Variants in KCNQ2 observed in about 807,000 individuals in gnomAD.
KCNQ2 encodes potassium voltage-gated channel subfamily KQT member 2.
A neutral mutation model predicts 84.8 loss-of-function variants in KCNQ2; 14 were observed. The ratio of observed to expected loss-of-function variants is 0.17; its 90% confidence interval spans 0.11 to 0.26. The LOEUF (loss-of-function observed/expected upper bound fraction) is 0.26, where lower values mean the gene tolerates loss of function less well. Ranked by LOEUF, KCNQ2 falls within the 10% of genes least tolerant of loss-of-function variation. KCNQ2 has a pLI of 1.00. For synonymous variants in KCNQ2, 599 were observed against 554.1 expected (o/e 1.08, Z -1.14); for missense variants, 788 against 1,254.0 (o/e 0.63, Z 5.61).
Position 63,421,998 on chromosome 20 carries a change from G to C in KCNQ2, c.1247+2179C>G, listed in dbSNP as rs184514441. Among the ~76,000 whole-genome samples, 569 of 152,306 alleles carry C rather than the reference G, an allele frequency of 3.7e-3. 3 individuals are homozygous for C. Among genetic ancestry groups the C allele is most frequent in the Middle Eastern group, 0.014 (4 of 294 alleles). On this transcript the variant is annotated intron_variant, in intron 11 of 16. Transcript: ENST00000359125. Reference sequence around the variant, plus strand: ...GTGCCTGTGTTCTGAGCCAGGATGGGGGTGGGGGTCTCAGCAGTGAGTGAG... The same window carrying C: ...GTGCCTGTGTTCTGAGCCAGGATGGCGGTGGGGGTCTCAGCAGTGAGTGAG...
rs3865528 is a variant in KCNQ2, at chr20:63,416,734, G to A, written c.1302-1608C>T. ...CCGGTCAGCAGCCACCATCAGCCCCGACTCCAGACCCACAGCCAGAGAGAC... is the reference window on the plus strand; with the variant it reads ...CCGGTCAGCAGCCACCATCAGCCCCAACTCCAGACCCACAGCCAGAGAGAC... On this transcript the variant is annotated intron_variant, in intron 12 of 16. Coordinates refer to ENST00000359125, the MANE Select transcript of KCNQ2 (RefSeq NM_172107.4). Among the ~76,000 whole-genome samples, 9 of 151,852 alleles carry A rather than the reference G, an allele frequency of 5.9e-5. No individual in the cohort carries two copies. In the East Asian group the frequency reaches 9.7e-4, roughly 16 times the overall value.
In KCNQ2 at chr20:63,414,038, G is replaced by A. The variant is rs370698005; in HGVS notation, c.1631+50C>T. On this transcript the variant is annotated intron_variant, in intron 14 of 16. Transcript: ENST00000359125. The surrounding 1 kb of genome is among the most constrained non-coding windows in gnomAD (Gnocchi z 6.6). ...CCGGCAGCAGGCAGGACCACCGAGC[G>A]GGAGGCCCCTCCTCACTCCCCCAGG... The A allele has an allele frequency of 6.7e-5, 93 of 1,379,366 alleles. No homozygotes were observed. In the African/African-American group the frequency reaches 6.8e-4, roughly 10 times the overall value. 85.4% of individuals were successfully genotyped at this position (1,379,366 alleles called of 1,614,324 possible).
Position 63,421,857 on chromosome 20 carries a change from C to T in KCNQ2, c.1248-2185G>A, listed in dbSNP as rs1012131853. Among the ~76,000 whole-genome samples the T allele has an allele frequency of 3.6e-4, 54 of 152,102 alleles. 1 individual carries two copies. Among genetic ancestry groups the T allele is most frequent in the Admixed American group, 1.9e-3 (29 of 15,278 alleles). On this transcript the variant is annotated intron_variant, in intron 11 of 16. Transcript: ENST00000359125. ...CCCTGGGGCAGCACGGCCCGAGCCC[C>T]GCAGCCTGCCTGGCTCCCCACCCGA...
At chr20:63,413,855 C>T (rs1326641855) in intron 14 of KCNQ2, among the ~76,000 whole-genome samples, 3 of 152,222 alleles carry the variant, frequency 2.0e-5, no homozygotes, top group Non-Finnish European at 2.9e-5. Context: ...AGGTGGAGCC[C>T]GGCCTCAGGC....
At chr20:63,409,157 C>T (rs577260742) in intron 15 of KCNQ2, among the ~76,000 whole-genome samples, 2 of 152,266 alleles carry the variant, frequency 1.3e-5, no homozygotes, top group East Asian at 1.9e-4. Flanking sequence ...CAGGAACCAA[C>T]GCACAAACCA....
At chr20:63,433,978 G>A (rs2145681335) in intron 7 of KCNQ2, 75 bp from the exon 8 acceptor site, 1 of 1,353,354 alleles carries the variant, frequency 7.4e-7, no homozygotes, top group Non-Finnish European at 1.1e-6. Flanking sequence ...GGGCGTGGAG[G>A]GAACGGGGCA....
At chr20:63,443,286 C>T (rs1319420465) in intron 4 of KCNQ2, among the ~76,000 whole-genome samples, 4 of 69,382 alleles carry the variant, frequency 5.8e-5, no homozygotes, top group African/African-American at 1.1e-4. Context: ...ATCACCATCA[C>T]CATCATCACC....
At position 63,433,159 on chromosome 20, in the gene KCNQ2, A is replaced by C. The variant is rs149234263; in HGVS notation, c.1118+650T>G. Among the ~76,000 whole-genome samples, 838 of 152,338 alleles carry C rather than the reference A, an allele frequency of 5.5e-3. 10 individuals carry two copies. The highest frequency in any genetic ancestry group is 0.019 in the African/African-American group (801 of 41,580). ...TGCCACCTGCCCTTTTGTAAAACAA[A>C]AAAACACGGGAAAGCCGCCCTCCGA... On this transcript the variant is annotated intron_variant, in intron 8 of 16. Transcript: ENST00000359125.
Position 63,472,531 on chromosome 20 carries a change from G to A in KCNQ2, c.-68C>T, listed in dbSNP as rs1339591005. On this transcript the variant is annotated 5_prime_UTR_variant, in exon 1 of 17. Coordinates refer to ENST00000359125, the MANE Select transcript of KCNQ2 (RefSeq NM_172107.4). Reference sequence around the variant, plus strand: ...GGGGGCGGAGCGCGGGGGGCGGCGCGGGCCCCAGCCCAGGCCCCCCGGCCG... The same window carrying A: ...GGGGGCGGAGCGCGGGGGGCGGCGCAGGCCCCAGCCCAGGCCCCCCGGCCG... 5.4e-6 allele frequency: 7 copies of A among 1,304,264 alleles called. No individual in the cohort carries two copies. The highest frequency in any genetic ancestry group is 5.8e-6 in the Non-Finnish European group (6 of 1,026,958). 80.8% of individuals were successfully genotyped at this position (1,304,264 alleles called of 1,614,324 possible).
chr20:63,443,001 CCACCAT>C (rs1376365473), intron 4 of KCNQ2, among the ~76,000 whole-genome samples: 21 of 43,900 alleles, frequency 4.8e-4, no homozygotes, highest in African/African-American at 4.4e-4. Context: ...ATCACCATCA[CCACCAT>C]CACCATCACC....
chr20:63,429,087 G>T (rs1488028170), intron 9 of KCNQ2, among the ~76,000 whole-genome samples: 1 of 151,528 alleles, frequency 6.6e-6, no homozygotes, highest in Admixed American at 6.6e-5. Flanking sequence ...GCAGGACCAA[G>T]TCCGGGCCCG....
In KCNQ2 at chr20:63,444,644, G is replaced by A; in HGVS notation, c.690+15C>T. 1 of 1,536,704 alleles carries A rather than the reference G, an allele frequency of 6.5e-7. No homozygotes were observed. The highest frequency in any genetic ancestry group is 8.8e-7 in the Non-Finnish European group (1 of 1,135,816). On this transcript the variant is annotated intron_variant, in intron 4 of 16. Coordinates refer to ENST00000359125, the MANE Select transcript of KCNQ2 (RefSeq NM_172107.4). ...GCTGGGGGCGCCCACCGCCAGCCTT[G>A]GGGCCGTGACTCACCTTGCTGTGGG... is the stretch of plus-strand genomic sequence containing the variant.
At chr20:63,469,604 G>A (rs983940351) in intron 1 of KCNQ2, among the ~76,000 whole-genome samples, 2 of 152,236 alleles carry the variant, frequency 1.3e-5, no homozygotes, top group East Asian at 1.9e-4. Context: ...TGACCTCTCC[G>A]AAGCCAGACA....
chr20:63,444,779 G>A lies in KCNQ2; in HGVS notation c.570C>T (p.Asn190=), dbSNP rs116087798. ...TCCGGAGCGCAGATGTGGCAAAGAC[G>A]TTGCCCTGGGAGCCGGCGGCCAGCA... ...IAVLAAGSQG[N]VFATSALRSL... The change falls in exon 4 of 17, where the codon AAC becomes AAT. Residue 190 remains asparagine, a synonymous_variant. Transcript: ENST00000359125. 2.5e-4 allele frequency: 409 copies of A among 1,608,106 alleles called. No homozygotes were observed. In the African/African-American group the frequency reaches 4.7e-3, roughly 18 times the overall value.
intron 10 of KCNQ2, 54 bp downstream of exon 10, chr20:63,428,313 G>T: frequency 7.2e-7 from 1 of 1,398,214 alleles, no homozygotes; most frequent in Non-Finnish European, 9.9e-7. Flanking sequence ...GGCAGCTGGG[G>T]CCCCCAGGAG....
At chr20:63,458,842 G>A (rs895380347) in intron 1 of KCNQ2, among the ~76,000 whole-genome samples, 2 of 152,244 alleles carry the variant, frequency 1.3e-5, no homozygotes, top group African/African-American at 4.8e-5. Context: ...ACCACCTTCC[G>A]CACAGCGGGA....
At chr20:63,467,359 G>A (rs755291119) in intron 1 of KCNQ2, among the ~76,000 whole-genome samples, 1 of 152,198 alleles carries the variant, frequency 6.6e-6, no homozygotes, top group African/African-American at 2.4e-5. Context: ...GCTCCTCTAC[G>A]GCTCCTCTAC....
At chr20:63,442,795 T>TC (rs2081229314) in intron 4 of KCNQ2, among the ~76,000 whole-genome samples, 5 of 10,134 alleles carry the variant, frequency 4.9e-4, no homozygotes, top group African/African-American at 8.3e-4. Flanking sequence ...CCATCACCAT[T>TC]ACCACCACCA....
At chr20:63,427,181 C>A (rs1231301282) in intron 10 of KCNQ2, among the ~76,000 whole-genome samples, 1 of 152,224 alleles carries the variant, frequency 6.6e-6, no homozygotes, top group East Asian at 1.9e-4. Context: ...AAGATCGCAC[C>A]ACTGCATTCC....
Sources: allele counts gnomAD v4.1 joint callset (sites outside exome capture counted in the v4.1 genomes callset), GRCh38; gene constraint gnomAD v4.1.1; non-coding constraint Gnocchi (gnomAD v3.1); transcripts MANE v1.5; gene names NCBI Gene and HGNC (gene_info 2026-07-23, HGNC 2026-07-21).